COL22A1: variants seen among roughly 807,000 people sequenced by gnomAD.
COL22A1 encodes collagen type XXII alpha 1 chain, also known as collagen alpha-1(XXII) chain.
COL22A1 carries 221 observed loss-of-function variants against 248.9 expected under a neutral mutation model. The observed-to-expected ratio is 0.89, with a 90% CI of 0.80 to 0.99. The LOEUF (loss-of-function observed/expected upper bound fraction) is 0.99. COL22A1 is among the 50% of genes least tolerant of loss of function. COL22A1 has a pLI of 0.00. For missense variants in COL22A1, 2,240 were observed against 2,179.0 expected (o/e 1.03, Z -0.56); for synonymous variants, 891 against 793.4 (o/e 1.12, Z -2.07).
chr8:138,892,314 A>G (rs1412177265), intron 1 of COL22A1, among the ~76,000 whole-genome samples: 2 of 152,218 alleles, frequency 1.3e-5, no homozygotes, highest in African/African-American at 2.4e-5. Context: ...GCACAAATGA[A>G]CATTTCTTAT....
At chr8:138,668,557 T>A (rs139955329) in intron 41 of COL22A1, among the ~76,000 whole-genome samples, 1 of 152,222 alleles carries the variant, frequency 6.6e-6, no homozygotes. Context: ...CATTCTCTTC[T>A]TTCTCTGCTG....
rs186979934 is a variant in COL22A1, at chr8:138,629,977, T to C, written c.3663+718A>G. Among the ~76,000 whole-genome samples the C allele has an allele frequency of 4.8e-3, 730 of 152,308 alleles. 4 individuals carry two copies. The highest frequency in any genetic ancestry group is 8.6e-3 in the Non-Finnish European group (587 of 68,026). On this transcript the variant is annotated intron_variant, in intron 50 of 64. Transcript: ENST00000303045. Reference sequence around the variant, plus strand: ...TTTATAAGATGTGGATAATGATTCATGGCCTTTCTAACTTACAGGTCCAAA... The same window carrying C: ...TTTATAAGATGTGGATAATGATTCACGGCCTTTCTAACTTACAGGTCCAAA...
intron 5 of COL22A1, among the ~76,000 whole-genome samples, chr8:138,828,981 T>C (rs929750043): frequency 1.3e-5 from 2 of 152,094 alleles, no homozygotes; most frequent in African/African-American, 2.4e-5. Context: ...GATATTGACT[T>C]CCCTGCTGGA....
At chr8:138,838,337 G>C (rs1286448084) in intron 4 of COL22A1, among the ~76,000 whole-genome samples, 1 of 152,060 alleles carries the variant, frequency 6.6e-6, no homozygotes, top group Non-Finnish European at 1.5e-5. Context: ...CACTCACTGA[G>C]GGATGAGGGG....
intron 12 of COL22A1, among the ~76,000 whole-genome samples, chr8:138,789,087 T>C (rs1815805585): frequency 6.6e-6 from 1 of 152,128 alleles, no homozygotes; most frequent in African/African-American, 2.4e-5. Context: ...AAGCCCTTGG[T>C]TTTGTGACTG....
chr8:138,664,194 T>TGA (rs1554738435), intron 41 of COL22A1, among the ~76,000 whole-genome samples: 3 of 85,378 alleles, frequency 3.5e-5, no homozygotes, highest in East Asian at 9.9e-4. Flanking sequence ...CAACAAGGGG[T>TGA]GCGCGCGCGC....
chr8:138,862,812 A>C (rs796981519), intron 3 of COL22A1, among the ~76,000 whole-genome samples: 10 of 149,492 alleles, frequency 6.7e-5, no homozygotes, highest in African/African-American at 2.2e-4. Flanking sequence ...GTCAGAGAGC[A>C]CTTGTAATGT....
intron 30 of COL22A1, among the ~76,000 whole-genome samples, chr8:138,705,032 T>C (rs2131007514): frequency 6.6e-6 from 1 of 152,210 alleles, no homozygotes; most frequent in South Asian, 2.1e-4. Flanking sequence ...AGGGTATCAA[T>C]GATTGAAGAT....
At chr8:138,756,199 G>A (rs1586662313) in intron 18 of COL22A1, among the ~76,000 whole-genome samples, 1 of 152,318 alleles carries the variant, frequency 6.6e-6, no homozygotes, top group East Asian at 1.9e-4. Flanking sequence ...TTTGCACTGT[G>A]AGAGCTGTGA....
intron 24 of COL22A1, among the ~76,000 whole-genome samples, chr8:138,724,990 C>G (rs1830190497): frequency 6.6e-6 from 1 of 152,216 alleles, no homozygotes; most frequent in African/African-American, 2.4e-5. Context: ...TCCCCCATGC[C>G]CACTTTCAGG....
At chr8:138,808,612 G>A (rs1173987400) in intron 9 of COL22A1, among the ~76,000 whole-genome samples, 1 of 152,148 alleles carries the variant, frequency 6.6e-6, no homozygotes, top group Non-Finnish European at 1.5e-5. Flanking sequence ...ACATGTAAAT[G>A]TCGCCAAGCT....
intron 3 of COL22A1, among the ~76,000 whole-genome samples, chr8:138,875,837 C>G (rs1823676962): frequency 6.6e-6 from 1 of 152,184 alleles, no homozygotes; most frequent in Admixed American, 6.5e-5. Context: ...TGATATGGGT[C>G]AGTGAAGTCA....
chr8:138,890,972 G>A (rs1004294628), intron 1 of COL22A1, among the ~76,000 whole-genome samples: 2 of 151,968 alleles, frequency 1.3e-5, no homozygotes, highest in Admixed American at 1.3e-4. Flanking sequence ...GCAGTGAGCT[G>A]AGATCGTTCC....
At chr8:138,649,895 C>A in intron 45 of COL22A1, 117 bp from the exon 46 acceptor site, 1 of 611,898 alleles carries the variant, frequency 1.6e-6, no homozygotes, top group Non-Finnish European at 2.7e-6. Flanking sequence ...TTTTTAAATT[C>A]CAGAGAAGAT....
chr8:138,717,940 T>A (rs1829570615), intron 27 of COL22A1, among the ~76,000 whole-genome samples: 1 of 152,238 alleles, frequency 6.6e-6, no homozygotes, highest in African/African-American at 2.4e-5. Context: ...AATATTCATA[T>A]GCTATTTACT....
At chr8:138,668,987 G>A (rs184698043) in intron 41 of COL22A1, among the ~76,000 whole-genome samples, 77 of 152,304 alleles carry the variant, frequency 5.1e-4, no homozygotes, top group Non-Finnish European at 2.2e-4. Context: ...AGAACACTAC[G>A]CAAAGAGGAG....
At chr8:138,601,926 T>C (rs114033711) in intron 60 of COL22A1, among the ~76,000 whole-genome samples, 189 bp downstream of exon 60, 64 of 152,288 alleles carry the variant, frequency 4.2e-4, no homozygotes, top group African/African-American at 1.5e-3. Context: ...CAAACAATAC[T>C]GGGAGGAAAA....
At chr8:138,769,333 CA>C (rs1333088445) in intron 16 of COL22A1, among the ~76,000 whole-genome samples, 3 of 152,192 alleles carry the variant, frequency 2.0e-5, no homozygotes, top group Non-Finnish European at 4.4e-5. Flanking sequence ...ATAAATGAAA[CA>C]CAGAAGTCTT....
Position 138,662,022 on chromosome 8 carries a change from G to A in COL22A1, c.3240+8C>T, listed in dbSNP as rs1463857855. 6 of 1,610,276 alleles carry A rather than the reference G, an allele frequency of 3.7e-6. No individual in the cohort carries two copies. In the South Asian group the frequency reaches 6.6e-5, roughly 18 times the overall value. ...TTCACTGAGTCCACGCCATTTCTCT[G>A]TACTTACGTCCCGGCCGGCTGGGCC... On this transcript the variant is annotated splice_region_variant and intron_variant, in intron 43 of 64. Coordinates refer to ENST00000303045, the MANE Select transcript of COL22A1 (RefSeq NM_152888.3).
Sources: gnomAD v4.1 joint callset for allele counts (sites outside exome capture counted in the v4.1 genomes callset) on GRCh38, gnomAD v4.1.1 for gene constraint, MANE v1.5 for transcripts, NCBI Gene and HGNC (gene_info 2026-07-23, HGNC 2026-07-21) for gene names.